The following ELMOD2 variants were observed in gnomAD, a reference collection of about 807,000 sequenced individuals.
The protein encoded by ELMOD2 is ELMO domain-containing protein 2.
ELMOD2 carries 28 observed loss-of-function variants against 41.0 expected under a neutral mutation model. That is an observed-to-expected ratio of 0.68 (90% CI 0.51 to 0.94). The LOEUF (loss-of-function observed/expected upper bound fraction) is 0.94. Among genes scored for constraint, ELMOD2 ranks in the 40% least tolerant of loss-of-function variants. The pLI is 0.00. For synonymous variants in ELMOD2, 106 were observed against 107.2 expected, an observed-to-expected ratio of 0.99 and a Z score of 0.07; for missense variants, 333 against 343.1, an observed-to-expected ratio of 0.97 and a Z score of 0.23.
chr4:140,542,257 A>G (rs555194977), intron 6 of ELMOD2, among the ~76,000 whole-genome samples: 29 of 151,864 alleles, frequency 1.9e-4, no homozygotes, highest in Non-Finnish European at 2.7e-4. Context: ...ACTCTTTCAT[A>G]GAAATAGAAC....
chr4:140,528,996 A>G (rs1441402757), intron 3 of ELMOD2, among the ~76,000 whole-genome samples: 1 of 152,230 alleles, frequency 6.6e-6, no homozygotes, highest in Non-Finnish European at 1.5e-5. Context: ...CAATATTACA[A>G]ATTTTAGCAG....
At chr4:140,529,019 A>G (rs1436561887) in intron 3 of ELMOD2, among the ~76,000 whole-genome samples, 1 of 152,174 alleles carries the variant, frequency 6.6e-6, no homozygotes, top group Non-Finnish European at 1.5e-5. Context: ...GCACTTGGGG[A>G]GGTGTTATAT....
chr4:140,537,954 G>T (rs1734985461), intron 5 of ELMOD2, among the ~76,000 whole-genome samples: 1 of 151,910 alleles, frequency 6.6e-6, no homozygotes, highest in Admixed American at 6.6e-5. Context: ...TTGAAAACAT[G>T]TGTGTCCCTT....
At chr4:140,538,385 A>G (rs1232308659) in intron 5 of ELMOD2, among the ~76,000 whole-genome samples, 1 of 152,236 alleles carries the variant, frequency 6.6e-6, no homozygotes, top group Non-Finnish European at 1.5e-5. Flanking sequence ...CAACATTGAT[A>G]CTATCTAAAT....
chr4:140,541,510 A>T (rs1735104115), intron 6 of ELMOD2, among the ~76,000 whole-genome samples: 1 of 152,154 alleles, frequency 6.6e-6, no homozygotes, highest in Admixed American at 6.5e-5. Context: ...TAGTCAACTG[A>T]GGGCATTTTA....
At chr4:140,547,645 TG>T (rs1200560665) in intron 8 of ELMOD2, among the ~76,000 whole-genome samples, 1 of 152,206 alleles carries the variant, frequency 6.6e-6, no homozygotes, top group African/African-American at 2.4e-5. Flanking sequence ...TACACTTAAA[TG>T]GATTTTAATG....
intron 3 of ELMOD2, among the ~76,000 whole-genome samples, chr4:140,533,811 CAA>C (rs1316328087): frequency 3.3e-5 from 5 of 151,578 alleles, no homozygotes; most frequent in Non-Finnish European, 5.9e-5. Flanking sequence ...AGTCACATGA[CAA>C]AAGTGTATAT....
At chr4:140,543,830 G>A (rs1054174512) in intron 8 of ELMOD2, among the ~76,000 whole-genome samples, 3 of 152,066 alleles carry the variant, frequency 2.0e-5, no homozygotes, top group Middle Eastern at 3.2e-3. Flanking sequence ...ACACATCTAA[G>A]ATTCATGTAA....
At chr4:140,528,033 A>G (rs1560823259) in intron 3 of ELMOD2, 2 of 152,392 alleles carry the variant, frequency 1.3e-5, no homozygotes, top group African/African-American at 2.4e-5. Flanking sequence ...TGTCTATTCC[A>G]TTTGTCTCAT....
intron 5 of ELMOD2, among the ~76,000 whole-genome samples, chr4:140,537,860 A>G (rs1734983139): frequency 6.6e-6 from 1 of 151,838 alleles, no homozygotes; most frequent in South Asian, 2.1e-4. Context: ...ACCAAAAAGT[A>G]TATGTCTACA....
At chr4:140,548,620 C>G (rs548095363) in intron 8 of ELMOD2, among the ~76,000 whole-genome samples, 1 of 152,146 alleles carries the variant, frequency 6.6e-6, no homozygotes, top group South Asian at 2.1e-4. Flanking sequence ...TTGACTTTTG[C>G]AACAGAGACC....
At chr4:140,528,237 G>C (rs1290062043) in intron 3 of ELMOD2, among the ~76,000 whole-genome samples, 1 of 152,200 alleles carries the variant, frequency 6.6e-6, no homozygotes, top group Admixed American at 6.5e-5. Context: ...TAAGGCTATG[G>C]TAGGGAGTAG....
rs1458786120 is a variant in ELMOD2, at chr4:140,552,226, A to T, written c.*1851A>T. The stretch of plus-strand genomic sequence containing the variant: ...GCTGAGAGCTTGAACTGATTTAAAC[A>T]TTTGTCAATATACTTAAGAATGCTT... On this transcript the variant is annotated 3_prime_UTR_variant, in exon 9 of 9. Transcript: ENST00000323570. The T allele has an allele frequency of 1.3e-5, 2 of 152,060 alleles. No homozygotes were observed. The highest frequency in any genetic ancestry group is 2.9e-5 in the Non-Finnish European group (2 of 67,922). The allele number at this position is 152,060 out of a possible 1,614,324, so 9.4% of individuals were successfully genotyped here.
rs1248028065 is a variant in ELMOD2, at chr4:140,553,750, TAAA to T, written c.*3379_*3381del. The stretch of plus-strand genomic sequence containing the variant: ...TTGTTTGGAATGTTAAGTGAGCAAA[TAAA>T]AAACATGTTGAAATTGTTGTAAGCC... On this transcript the variant is annotated 3_prime_UTR_variant, in exon 9 of 9. Transcript: ENST00000323570. The T allele has an allele frequency of 6.6e-6, 1 of 152,108 alleles. No homozygotes were observed. The highest frequency in any genetic ancestry group is 1.5e-5 in the Non-Finnish European group (1 of 67,988). 9.4% of individuals were successfully genotyped at this position (152,108 alleles called of 1,614,324 possible).
rs1481064458 is a variant in ELMOD2, at chr4:140,552,678, ATAAT to A, written c.*2306_*2309del. On this transcript the variant is annotated 3_prime_UTR_variant, in exon 9 of 9. Coordinates refer to ENST00000323570, the MANE Select transcript of ELMOD2 (RefSeq NM_153702.4). ...ATTTAGAATCTTACCTGTTTCTATA[ATAAT>A]TAGTAAAATGCCAAAGTAGTGATAG... 2 of 152,128 alleles carry A rather than the reference ATAAT, an allele frequency of 1.3e-5. No homozygotes were observed. 9.4% of individuals were successfully genotyped at this position (152,128 alleles called of 1,614,324 possible). A position where few individuals can be genotyped will look rare whatever the true frequency, so the allele number is the denominator to read the frequency against.
rs1578771977 is a variant in ELMOD2, at chr4:140,543,461, A to G, written c.611A>G (p.Tyr204Cys). ...TAATGTTTCTGACATAGGTATTCTTATGCAATAGTTGGAATCAATCTTACA... is the reference window on the plus strand; with the variant it reads ...TAATGTTTCTGACATAGGTATTCTTGTGCAATAGTTGGAATCAATCTTACA... The part of the protein sequence containing the change: ...RSNHPKLGYS[Y>C]AIVGINLTEM... The change falls in exon 8 of 9, where the codon TAT (tyrosine) becomes TGT (cysteine). Residue 204 changes from tyrosine to cysteine, a missense_variant. By Grantham distance (194) the Tyr-to-Cys change is radical. Transcript: ENST00000323570. The G allele has an allele frequency of 1.3e-6, 2 of 1,594,468 alleles. No homozygotes were observed. Among genetic ancestry groups the G allele is most frequent in the Non-Finnish European group, 1.7e-6 (2 of 1,175,100 alleles).
In ELMOD2 at chr4:140,535,687, C is replaced by T. The variant is rs145439394; in HGVS notation, c.172-46C>T. Reference sequence around the variant, plus strand: ...AAATGTCTCACAACTATGTCTTTTTCAGCTACAAAGAATTTTTCTCATTTG... The same window carrying T: ...AAATGTCTCACAACTATGTCTTTTTTAGCTACAAAGAATTTTTCTCATTTG... On this transcript the variant is annotated intron_variant, in intron 3 of 8. Coordinates refer to ENST00000323570, the MANE Select transcript of ELMOD2 (RefSeq NM_153702.4). 200 of 1,526,594 alleles carry T rather than the reference C, an allele frequency of 1.3e-4. 1 individual carries two copies. The African/African-American group carries it at 2.3e-3, about 18-fold the overall frequency. The allele number at this position is 1,526,594 out of a possible 1,614,324, so 94.6% of individuals were successfully genotyped here. A position where few individuals can be genotyped will look rare whatever the true frequency, so the allele number is the denominator to read the frequency against.
intron 5 of ELMOD2, 103 bp downstream of exon 5, chr4:140,537,644 C>T (rs957018531): frequency 7.3e-7 from 1 of 1,363,470 alleles, no homozygotes; most frequent in Non-Finnish European, 9.8e-7. Context: ...TATGGCTAGG[C>T]TTATATGGTT....
intron 3 of ELMOD2, among the ~76,000 whole-genome samples, chr4:140,535,136 T>TC (rs1491125623): frequency 0.16 from 12,088 of 77,054 alleles, 755 homozygotes; most frequent in Admixed American, 0.32. Context: ...AATCTGTTTC[T>TC]TTCTCTCTCT....
Sources: allele counts gnomAD v4.1 joint callset (sites outside exome capture counted in the v4.1 genomes callset), GRCh38; gene constraint gnomAD v4.1.1; transcripts MANE v1.5; gene names NCBI Gene and HGNC (gene_info 2026-07-23, HGNC 2026-07-21).